CPEB2: variants seen among roughly 807,000 people sequenced by gnomAD.
CPEB2 encodes cytoplasmic polyadenylation element-binding protein 2.
CPEB2 carries 56 observed loss-of-function variants against 93.6 expected under a neutral mutation model. The ratio of observed to expected loss-of-function variants is 0.60; its 90% CI spans 0.48 to 0.75. The LOEUF is 0.75. CPEB2 is among the 30% of genes least tolerant of loss of function. CPEB2 has a pLI of 0.00. For missense variants in CPEB2, 1,579 were observed against 1,395.1 expected, an observed-to-expected ratio of 1.13 and a Z score of -2.10; for synonymous variants, 764 against 586.3, an observed-to-expected ratio of 1.30 and a Z score of -4.38.
At chr4:15,037,511 A>G (rs1312049842) in intron 5 of CPEB2, among the ~76,000 whole-genome samples, 4 of 152,186 alleles carry the variant, frequency 2.6e-5, no homozygotes, top group African/African-American at 7.2e-5. Flanking sequence ...GAGCCAATAC[A>G]TATGACCCTA....
At chr4:15,038,887 C>T (rs1726903204) in intron 5 of CPEB2, among the ~76,000 whole-genome samples, 2 of 152,136 alleles carry the variant, frequency 1.3e-5, no homozygotes, top group African/African-American at 4.8e-5. Context: ...CCGTGTGTAG[C>T]TCCATAGTCT....
intron 6 of CPEB2, among the ~76,000 whole-genome samples, chr4:15,049,398 C>CA (rs1483326078): frequency 2.0e-5 from 3 of 152,000 alleles, no homozygotes; most frequent in African/African-American, 7.2e-5. Context: ...AAGTGAAAAA[C>CA]TTTCCAAAGT....
intron 9 of CPEB2, among the ~76,000 whole-genome samples, chr4:15,058,897 C>G (rs923024820): frequency 6.6e-6 from 1 of 152,144 alleles, no homozygotes; most frequent in African/African-American, 2.4e-5. Flanking sequence ...TTATGAGAAT[C>G]TAATGCCTGA....
At chr4:15,051,686 T>C (rs1397453796) in intron 6 of CPEB2, among the ~76,000 whole-genome samples, 1 of 152,248 alleles carries the variant, frequency 6.6e-6, no homozygotes, top group African/African-American at 2.4e-5. Flanking sequence ...TGGTTACATA[T>C]ATAGATCTTA....
rs1317314788 is a variant in CPEB2 at position 15,067,595 on chromosome 4, C to T, written c.*1215C>T. ...GCTAACCAGTCACCAAATGTAAGACCCATAAGAAACCCATATTTAAAAATC... is the reference window on the plus strand; with the variant it reads ...GCTAACCAGTCACCAAATGTAAGACTCATAAGAAACCCATATTTAAAAATC... On this transcript the variant is annotated 3_prime_UTR_variant, in exon 12 of 12. Coordinates refer to ENST00000538197, the MANE Select transcript of CPEB2 (RefSeq NM_001177382.2). 1.3e-5 allele frequency: 2 copies of T among 152,282 alleles called. No individual in the cohort carries two copies. The highest frequency in any genetic ancestry group is 4.8e-5 in the African/African-American group (2 of 41,378). 9.4% of individuals were successfully genotyped at this position (152,282 alleles called of 1,614,324 possible).
chr4:15,063,915 G>C (rs1025889222), intron 11 of CPEB2: 1 of 152,064 alleles, frequency 6.6e-6, no homozygotes, highest in African/African-American at 2.4e-5. Context: ...AAGAATTTGA[G>C]CCTTAAATAT....
chr4:15,041,196 T>G (rs2109050455), intron 6 of CPEB2, among the ~76,000 whole-genome samples: 1 of 152,300 alleles, frequency 6.6e-6, no homozygotes, highest in South Asian at 2.1e-4. Context: ...AAAACTTTGC[T>G]TCTCCCTTTT....
chr4:15,067,246 AAAG>A lies in CPEB2; in HGVS notation c.*867_*869del, dbSNP rs141127740. On this transcript the variant is annotated 3_prime_UTR_variant, in exon 12 of 12. Coordinates refer to ENST00000538197, the MANE Select transcript of CPEB2 (RefSeq NM_001177382.2). ...GAACAAATTATAAAATTTGTTTAAAAAAGCAAACTTGCATGCATTATTGTGACT... is the reference window on the plus strand; with the variant it reads ...GAACAAATTATAAAATTTGTTTAAAACAAACTTGCATGCATTATTGTGACT... 7,922 of 152,582 alleles carry A rather than the reference AAAG, an allele frequency of 0.052. 228 individuals are homozygous for A. The highest frequency in any genetic ancestry group is 0.07 in the Non-Finnish European group (4,750 of 67,952). 9.5% of individuals were successfully genotyped at this position (152,582 alleles called of 1,614,324 possible).
At chr4:15,040,548 G>T in intron 6 of CPEB2, 61 bp downstream of exon 6, 1 of 1,382,688 alleles carries the variant, frequency 7.2e-7, no homozygotes. Context: ...GATCAATGTT[G>T]TAATTAATTA....
At chr4:15,029,089 A>G (rs1577406073) in intron 4 of CPEB2, among the ~76,000 whole-genome samples, 1 of 152,034 alleles carries the variant, frequency 6.6e-6, no homozygotes, top group South Asian at 2.1e-4. Context: ...TAACCTGTGC[A>G]CATCTTGTTG....
intron 4 of CPEB2, among the ~76,000 whole-genome samples, chr4:15,027,512 CA>C (rs1285786722): frequency 6.6e-6 from 1 of 152,122 alleles, no homozygotes; most frequent in Non-Finnish European, 1.5e-5. Context: ...TGGATCTGAG[CA>C]GAGATTGGAG....
At chr4:15,054,887 A>G (rs1190090050) in intron 8 of CPEB2, among the ~76,000 whole-genome samples, 2 of 152,218 alleles carry the variant, frequency 1.3e-5, no homozygotes, top group Non-Finnish European at 1.5e-5. Flanking sequence ...AATAAAAAAA[A>G]GAGGGGAGGT....
chr4:15,005,398 C>A (rs1276679958), intron 1 of CPEB2, among the ~76,000 whole-genome samples: 1 of 152,194 alleles, frequency 6.6e-6, no homozygotes, highest in East Asian at 1.9e-4. Flanking sequence ...TGTGAAATGA[C>A]ACTGGGCAGA....
intron 4 of CPEB2, among the ~76,000 whole-genome samples, chr4:15,025,706 G>A (rs764989221): frequency 2.6e-5 from 4 of 151,748 alleles, no homozygotes; most frequent in South Asian, 4.2e-4. Context: ...AGTTGTACCC[G>A]ACTTTTACAC....
chr4:15,011,003 C>T (rs912071963), intron 3 of CPEB2, among the ~76,000 whole-genome samples: 3 of 151,662 alleles, frequency 2.0e-5, no homozygotes, highest in African/African-American at 7.3e-5. Context: ...AAATAGAAAA[C>T]CCTCAAATTT....
Position 15,003,210 on chromosome 4 carries a change from G to C in CPEB2, c.537G>C (p.Arg179Ser). ...AGCAGCAGCTGAGCAGCCAGAAGAGGAAAGAGTTCAGCCCTCCCCACCTTC... is the reference window on the plus strand; with the variant it reads ...AGCAGCAGCTGAGCAGCCAGAAGAGCAAAGAGTTCAGCCCTCCCCACCTTC... Reference protein sequence around the residue: ...RQQQQLSSQKRKEFSPPHLPH... With the variant: ...RQQQQLSSQKSKEFSPPHLPH... Residue 179 changes from arginine (R) to serine (S), a missense_variant, in exon 1 of 12, where the codon AGG (arginine) becomes AGC (serine). Arg to Ser is a moderately radical substitution (Grantham distance 110, BLOSUM62 -1). Coordinates refer to ENST00000538197, the MANE Select transcript of CPEB2 (RefSeq NM_001177382.2). 1.3e-6 allele frequency: 2 copies of C among 1,533,786 alleles called. No homozygotes were observed. Among genetic ancestry groups the C allele is most frequent in the Non-Finnish European group, 1.7e-6 (2 of 1,146,146 alleles).
intron 4 of CPEB2, among the ~76,000 whole-genome samples, chr4:15,029,472 T>G (rs1393264053): frequency 1.3e-5 from 2 of 152,110 alleles, no homozygotes; most frequent in Non-Finnish European, 2.9e-5. Context: ...TCATAGTATC[T>G]TAATGTGAAA....
At chr4:15,006,443 A>G (rs1722828779) in intron 1 of CPEB2, 2 of 151,520 alleles carry the variant, frequency 1.3e-5, no homozygotes, top group Admixed American at 1.3e-4. Flanking sequence ...ACCCAAAACT[A>G]CAATTATTAG....
At chr4:15,038,633 G>C (rs1234157367) in intron 5 of CPEB2, among the ~76,000 whole-genome samples, 1 of 149,794 alleles carries the variant, frequency 6.7e-6, no homozygotes, top group Admixed American at 6.7e-5. Flanking sequence ...CTGTCTCCCA[G>C]GCTGGATTGC....
Sources: gnomAD v4.1 joint callset for allele counts (sites outside exome capture counted in the v4.1 genomes callset) on GRCh38, gnomAD v4.1.1 for gene constraint, MANE v1.5 for transcripts, NCBI Gene and HGNC (gene_info 2026-07-23, HGNC 2026-07-21) for gene names.